The following FN3KRP variants were observed in gnomAD, a reference collection of about 807,000 sequenced individuals.
FN3KRP encodes ketosamine-3-kinase.
In FN3KRP, 33 loss-of-function variants were observed where a neutral mutation model predicts 29.8. That is an observed-to-expected ratio of 1.11 (90% confidence interval 0.84 to 1.48). FN3KRP has a LOEUF of 1.48. Among genes scored for constraint, FN3KRP ranks in the 40% most tolerant of loss-of-function variants. The pLI, the probability that FN3KRP is intolerant of heterozygous loss-of-function variation, is 0.00. For synonymous variants in FN3KRP, 157 were observed against 155.2 expected, an observed-to-expected ratio of 1.01 and a Z score of -0.09; for missense variants, 430 against 402.6, an observed-to-expected ratio of 1.07 and a Z score of -0.58.
chr17:82,716,995 C>T, intron 1 of FN3KRP, 99 bp downstream of exon 1: 4 of 1,404,898 alleles, frequency 2.8e-6, no homozygotes, highest in Non-Finnish European at 3.8e-6. Flanking sequence ...CCGCCGGAGG[C>T]CGTGGGTGGC....
chr17:82,719,627 C>T (rs1262709297), intron 2 of FN3KRP, among the ~76,000 whole-genome samples: 2 of 152,142 alleles, frequency 1.3e-5, no homozygotes, highest in Non-Finnish European at 2.9e-5. Flanking sequence ...TGGTGGCAGG[C>T]GCCTCTAATT....
intron 3 of FN3KRP, 95 bp downstream of exon 3, chr17:82,720,458 G>A: frequency 2.2e-6 from 2 of 928,326 alleles, no homozygotes; most frequent in Non-Finnish European, 3.3e-6. Context: ...GCCGTGGGAG[G>A]GTCGGACGTG....
intron 4 of FN3KRP, 54 bp from the exon 5 acceptor site, chr17:82,726,426 C>T: frequency 6.3e-7 from 1 of 1,584,810 alleles, no homozygotes; most frequent in Non-Finnish European, 8.6e-7. Context: ...TAGCTGAGCT[C>T]TCCCTTGGTT....
At chr17:82,718,361 G>T (rs750764733) in intron 1 of FN3KRP, 32 of 972,466 alleles carry the variant, frequency 3.3e-5, no homozygotes, top group Non-Finnish European at 3.4e-5. Context: ...TGGTCCCGGG[G>T]AGTTGGATGG....
chr17:82,726,040 C>A (rs978037193), intron 4 of FN3KRP, among the ~76,000 whole-genome samples: 2 of 151,960 alleles, frequency 1.3e-5, no homozygotes, highest in Non-Finnish European at 2.9e-5. Context: ...ATTAGCCGGG[C>A]GTGGTGGTGC....
rs1598332225 is a variant in FN3KRP at position 82,718,824 on chromosome 17, T to C, written c.142-82T>C. 9 of 1,498,090 alleles carry C rather than the reference T, an allele frequency of 6.0e-6. No individual in the cohort carries two copies. The East Asian group carries it at 2.1e-4, about 34-fold the overall frequency. The allele number at this position is 1,498,090 out of a possible 1,614,324, so 92.8% of individuals were successfully genotyped here. A position where few individuals can be genotyped will look rare whatever the true frequency, so the allele number is the denominator to read the frequency against. ...TAGTCTTGGTTTGAAGTTGTAATGCTAGAGGAAAACATATCTACAGAACCT... is the reference window on the plus strand; with the variant it reads ...TAGTCTTGGTTTGAAGTTGTAATGCCAGAGGAAAACATATCTACAGAACCT... On this transcript the variant is annotated intron_variant, in intron 1 of 5. Transcript: ENST00000269373.
chr17:82,716,869 G>A lies in FN3KRP; in HGVS notation c.114G>A (p.Val38=), dbSNP rs762415299. The A allele has an allele frequency of 6.4e-7, 1 of 1,567,352 alleles. No individual in the cohort carries two copies. The highest frequency in any genetic ancestry group is 1.9e-5 in the Admixed American group (1 of 52,816). The change falls in exon 1 of 6, where the codon GTG becomes GTA. Residue 38 remains valine, a synonymous_variant. Transcript: ENST00000269373. ...GCTACGACACGGATCAAGGACGAGT[G>A]TTCGTGAAAGTGAACCCCAAGGCGG... The part of the protein sequence containing the change: ...GRSYDTDQGR[V]FVKVNPKAEA...
intron 5 of FN3KRP, 48 bp from the exon 6 acceptor site, chr17:82,726,785 C>A: frequency 6.6e-7 from 1 of 1,508,282 alleles, no homozygotes; most frequent in South Asian, 1.3e-5. Flanking sequence ...CGGCGCCCCT[C>A]ATGCACGCGT....
Position 82,721,228 on chromosome 17 carries a change from C to T in FN3KRP, c.385+865C>T, listed in dbSNP as rs143872825. On this transcript the variant is annotated intron_variant, in intron 3 of 5. Transcript: ENST00000269373. Reference sequence around the variant, plus strand: ...TCAGCCTCCTGAGTAGCTGGGATTACAGGTGCATGCCACTGTGCCCACCTA... The same window carrying T: ...TCAGCCTCCTGAGTAGCTGGGATTATAGGTGCATGCCACTGTGCCCACCTA... Among the ~76,000 whole-genome samples, 65 of 152,120 alleles carry T rather than the reference C, an allele frequency of 4.3e-4. 1 individual carries two copies. In the East Asian group the frequency reaches 8.9e-3, roughly 21 times the overall value.
At position 82,722,880 on chromosome 17, in the gene FN3KRP, C is replaced by G; in HGVS notation, c.462C>G (p.Leu154=). ...GFDVVTCCGY[L]PQVNDWQEDW... is the part of the protein sequence containing the mutation. ...ACGTGGTGACGTGCTGTGGATACCT[C>G]CCCCAGGTGAGTGCACGGCGTTTGC... The change falls in exon 4 of 6, where the codon CTC becomes CTG. Residue 154 remains leucine, a synonymous_variant. Transcript: ENST00000269373. 1 of 1,613,868 alleles carries G rather than the reference C, an allele frequency of 6.2e-7. No individual in the cohort carries two copies. The highest frequency in any genetic ancestry group is 8.5e-7 in the Non-Finnish European group (1 of 1,179,802).
chr17:82,726,926 G>T lies in FN3KRP; in HGVS notation c.685G>T (p.Gly229Trp), dbSNP rs751860519. 2 of 1,612,702 alleles carry T rather than the reference G, an allele frequency of 1.2e-6. No individual in the cohort carries two copies. Residue 229 changes from glycine (G) to tryptophan (W), a missense_variant, in exon 6 of 6, where the codon GGG becomes TGG. By Grantham distance (184) the Gly-to-Trp change is radical. Coordinates refer to ENST00000269373, the MANE Select transcript of FN3KRP (RefSeq NM_024619.4). ...WGGNVAEDSS[G>W]PVIFDPASFY... ...TGGAAACGTAGCAGAGGATTCCTCTGGGCCGGTGATTTTTGACCCAGCTTC... is the reference window on the plus strand; with the variant it reads ...TGGAAACGTAGCAGAGGATTCCTCTTGGCCGGTGATTTTTGACCCAGCTTC...
intron 2 of FN3KRP, among the ~76,000 whole-genome samples, chr17:82,719,584 A>T (rs1382901427): frequency 6.6e-6 from 1 of 152,014 alleles, no homozygotes; most frequent in African/African-American, 2.4e-5. Context: ...GTGAAACCCC[A>T]TGTCTACCAA....
rs1568057806 is a variant in FN3KRP at position 82,716,903 on chromosome 17, C to T, written c.141+7C>T. The T allele has an allele frequency of 1.9e-6, 3 of 1,565,220 alleles. No homozygotes were observed. The highest frequency in any genetic ancestry group is 3.8e-5 in the Admixed American group (2 of 52,428). ...AGTGAACCCCAAGGCGGAGGTCAGG[C>T]AGCGGGTCGGGCGGGCCGGGGGACC... On this transcript the variant is annotated splice_region_variant and intron_variant, in intron 1 of 5. Transcript: ENST00000269373.
Position 82,718,936 on chromosome 17 carries a change from A to G in FN3KRP, c.172A>G (p.Ser58Gly), listed in dbSNP as rs1305187493. The G allele has an allele frequency of 6.2e-7, 1 of 1,613,950 alleles. No homozygotes were observed. Among genetic ancestry groups the G allele is most frequent in the Non-Finnish European group, 8.5e-7 (1 of 1,179,924 alleles). ...AAGAATGTTTGAAGGTGAGATGGCA[A>G]GTTTAACTGCCATCCTGAAAACAAA... ...ARRMFEGEMA[S>G]LTAILKTNTV... Residue 58 changes from serine to glycine, a missense_variant, in exon 2 of 6, where the codon AGT becomes GGT. Ser to Gly is a moderately conservative substitution (Grantham distance 56). Coordinates refer to ENST00000269373, the MANE Select transcript of FN3KRP (RefSeq NM_024619.4).
At chr17:82,723,084 A>G (rs1229728009) in intron 4 of FN3KRP, among the ~76,000 whole-genome samples, 198 bp downstream of exon 4, 1 of 152,204 alleles carries the variant, frequency 6.6e-6, no homozygotes, top group Non-Finnish European at 1.5e-5. Flanking sequence ...ACTGAGGAGG[A>G]CCAGCAAGTT....
chr17:82,721,571 C>T (rs1263784656), intron 3 of FN3KRP, among the ~76,000 whole-genome samples: 1 of 151,994 alleles, frequency 6.6e-6, no homozygotes, highest in Admixed American at 6.6e-5. Flanking sequence ...GGCATGATCT[C>T]TGCTCACTGC....
intron 4 of FN3KRP, among the ~76,000 whole-genome samples, chr17:82,723,621 ATG>A (rs2046816166): frequency 6.6e-6 from 1 of 151,146 alleles, no homozygotes; most frequent in Non-Finnish European, 1.5e-5. Flanking sequence ...ATGTGTGCAT[ATG>A]TGTATGTGTG....
intron 4 of FN3KRP, among the ~76,000 whole-genome samples, chr17:82,723,295 C>T (rs1295434987): frequency 6.6e-6 from 1 of 152,068 alleles, no homozygotes; most frequent in Non-Finnish European, 1.5e-5. Context: ...CTGTCCTGTC[C>T]TCGAGAGGAG....
At chr17:82,723,605 G>T (rs1391890890) in intron 4 of FN3KRP, among the ~76,000 whole-genome samples, 1 of 151,486 alleles carries the variant, frequency 6.6e-6, no homozygotes, top group East Asian at 1.9e-4. Context: ...ATGTGTATGT[G>T]CACGCATGTG....
Sources: allele counts gnomAD v4.1 joint callset (sites outside exome capture counted in the v4.1 genomes callset), GRCh38; gene constraint gnomAD v4.1.1; transcripts MANE v1.5; gene names NCBI Gene and HGNC (gene_info 2026-07-23, HGNC 2026-07-21).